The following CAB39L variants were observed in gnomAD, a reference collection of about 807,000 sequenced individuals.
CAB39L encodes the protein calcium binding protein 39 like.
Under a neutral mutation model 39.1 loss-of-function variants are expected in CAB39L, and 23 were observed. The observed-to-expected ratio is 0.59, with a 90% CI of 0.42 to 0.83. The LOEUF is 0.83. CAB39L is among the 40% of genes least tolerant of loss of function. The pLI, the probability that CAB39L is intolerant of heterozygous loss-of-function variation, is 0.00. For synonymous variants in CAB39L, 126 were observed against 137.2 expected (o/e 0.92, Z 0.57); for missense variants, 366 against 391.9 (o/e 0.93, Z 0.56).
intron 1 of CAB39L, among the ~76,000 whole-genome samples, chr13:49,440,615 G>A (rs1368539724): frequency 1.3e-5 from 2 of 151,864 alleles, no homozygotes; most frequent in Admixed American, 6.6e-5. Context: ...TGAGCATGGA[G>A]TGTTTTTCCA....
intron 8 of CAB39L, among the ~76,000 whole-genome samples, chr13:49,342,457 C>T (rs1397800622): frequency 6.6e-6 from 1 of 152,114 alleles, no homozygotes; most frequent in South Asian, 2.1e-4. Flanking sequence ...AAAATCCATT[C>T]ATCATACCAT....
At chr13:49,426,903 G>T (rs78566604) in intron 3 of CAB39L, among the ~76,000 whole-genome samples, 2,420 of 152,234 alleles carry the variant, frequency 0.016, 66 homozygotes, top group African/African-American at 0.055. Flanking sequence ...ACTTATGAAG[G>T]TTGAGGAAAA....
At chr13:49,388,807 A>T (rs766212241) in intron 3 of CAB39L, among the ~76,000 whole-genome samples, 1 of 152,182 alleles carries the variant, frequency 6.6e-6, no homozygotes, top group African/African-American at 2.4e-5. Context: ...AAAATCTCCA[A>T]GAAAAGATGG....
chr13:49,408,254 T>G (rs1956923283), intron 3 of CAB39L, among the ~76,000 whole-genome samples: 1 of 152,182 alleles, frequency 6.6e-6, no homozygotes. Context: ...TTCCCATGCC[T>G]GTGTGACAGT....
At chr13:49,404,437 A>T (rs930575614) in intron 3 of CAB39L, among the ~76,000 whole-genome samples, 2 of 151,034 alleles carry the variant, frequency 1.3e-5, no homozygotes, top group Admixed American at 1.3e-4. Flanking sequence ...CATCCTTGAG[A>T]GGTCTGGAAA....
Position 49,312,461 on chromosome 13 carries a change from T to C in CAB39L, c.835-1468A>G, listed in dbSNP as rs144543925. 3.3e-3 allele frequency among the ~76,000 whole-genome samples: 500 copies of C among 152,330 alleles called. 3 individuals carry two copies. Among genetic ancestry groups the C allele is most frequent in the African/African-American group, 8.0e-3 (333 of 41,584 alleles). Reference sequence around the variant, plus strand: ...TCTATGTTTAGATACCCAAATACCATTGGGTTATAATTGCCTGCAGTATTC... The same window carrying C: ...TCTATGTTTAGATACCCAAATACCACTGGGTTATAATTGCCTGCAGTATTC... On this transcript the variant is annotated intron_variant, in intron 10 of 10. Transcript: ENST00000409308.
At chr13:49,341,105 T>C (rs191102613) in intron 8 of CAB39L, among the ~76,000 whole-genome samples, 1 of 152,352 alleles carries the variant, frequency 6.6e-6, no homozygotes, top group East Asian at 1.9e-4. Context: ...ATCCACGTTA[T>C]CTTAGCCTTT....
chr13:49,426,755 T>G (rs1957251552), intron 3 of CAB39L, among the ~76,000 whole-genome samples: 1 of 152,146 alleles, frequency 6.6e-6, no homozygotes, highest in Admixed American at 6.6e-5. Flanking sequence ...AGATTTTCTA[T>G]GAGCTGGGAT....
At chr13:49,345,093 A>G (rs1485044511) in intron 7 of CAB39L, among the ~76,000 whole-genome samples, 5 of 152,206 alleles carry the variant, frequency 3.3e-5, no homozygotes, top group African/African-American at 1.2e-4. Context: ...TCCCTTTTAT[A>G]TGCTTAGAGG....
chr13:49,406,451 A>T (rs1411748338), intron 3 of CAB39L, among the ~76,000 whole-genome samples: 1 of 149,456 alleles, frequency 6.7e-6, no homozygotes, highest in Non-Finnish European at 1.5e-5. Context: ...AAGCACTGGG[A>T]TTACAGGTGT....
At chr13:49,325,468 T>C (rs1954470681) in intron 10 of CAB39L, among the ~76,000 whole-genome samples, 1 of 152,224 alleles carries the variant, frequency 6.6e-6, no homozygotes, top group Non-Finnish European at 1.5e-5. Flanking sequence ...TGGTACACCA[T>C]GACCATAGTA....
chr13:49,367,435 C>T (rs1456739635), intron 5 of CAB39L, among the ~76,000 whole-genome samples: 1 of 152,140 alleles, frequency 6.6e-6, no homozygotes, highest in Non-Finnish European at 1.5e-5. Context: ...ACAGTATAGC[C>T]AATCTGGAAA....
At chr13:49,356,136 G>A (rs931366452) in intron 6 of CAB39L, among the ~76,000 whole-genome samples, 1 of 152,148 alleles carries the variant, frequency 6.6e-6, no homozygotes, top group African/African-American at 2.4e-5. Flanking sequence ...CTTTATAGTG[G>A]ATTAGACTGT....
intron 10 of CAB39L, among the ~76,000 whole-genome samples, chr13:49,328,601 C>T (rs1383341373): frequency 6.6e-6 from 1 of 152,038 alleles, no homozygotes; most frequent in East Asian, 1.9e-4. Context: ...GAGGCCAAGG[C>T]AGGAGGATCA....
At chr13:49,394,639 A>T (rs1391682308) in intron 3 of CAB39L, among the ~76,000 whole-genome samples, 2 of 152,216 alleles carry the variant, frequency 1.3e-5, no homozygotes. Flanking sequence ...ACAGAGGGAA[A>T]TAATTAAATT....
At chr13:49,360,360 GT>G (rs5803462) in intron 5 of CAB39L, among the ~76,000 whole-genome samples, 41,011 of 152,050 alleles carry the variant, frequency 0.27, 5,787 homozygotes, top group East Asian at 0.5. Flanking sequence ...AATAAAGTGG[GT>G]TTTCCATTAG....
chr13:49,369,273 A>C (rs1040408994), intron 5 of CAB39L, among the ~76,000 whole-genome samples: 1 of 152,252 alleles, frequency 6.6e-6, no homozygotes, highest in African/African-American at 2.4e-5. Flanking sequence ...GGTTAACGGC[A>C]GCTTTATTTG....
chr13:49,424,805 T>C (rs1012519134), intron 3 of CAB39L, among the ~76,000 whole-genome samples: 9 of 152,178 alleles, frequency 5.9e-5, no homozygotes, highest in African/African-American at 2.2e-4. Context: ...AATACATGAA[T>C]ATATTATGGA....
At chr13:49,316,230 T>C (rs1165243545) in intron 10 of CAB39L, among the ~76,000 whole-genome samples, 1 of 152,090 alleles carries the variant, frequency 6.6e-6, no homozygotes, top group East Asian at 1.9e-4. Flanking sequence ...AAAAATTAGA[T>C]AACCTAGATG....
Sources: allele counts gnomAD v4.1 joint callset (sites outside exome capture counted in the v4.1 genomes callset), GRCh38; gene constraint gnomAD v4.1.1; transcripts MANE v1.5; gene names NCBI Gene and HGNC (gene_info 2026-07-23, HGNC 2026-07-21).